FRMD4A: variants seen among roughly 807,000 people sequenced by gnomAD.
The protein encoded by FRMD4A is FERM domain containing 4A.
In FRMD4A, 29 loss-of-function variants were observed where a neutral mutation model predicts 129.1. The ratio of observed to expected loss-of-function variants is 0.22; its 90% CI spans 0.17 to 0.31. The LOEUF is 0.31. Ranked by LOEUF, FRMD4A falls within the 10% of genes least tolerant of loss-of-function variation. The pLI is 1.00. For missense variants in FRMD4A, 1,272 were observed against 1,375.8 expected (o/e 0.92, Z 1.19); for synonymous variants, 634 against 571.6 (o/e 1.11, Z -1.56).
At chr10:13,744,435 A>G (rs1031153412) in intron 9 of FRMD4A, 2 of 152,222 alleles carry the variant, frequency 1.3e-5, no homozygotes, top group African/African-American at 4.8e-5. Context: ...ACCATAACTC[A>G]GCATTATTAT....
chr10:13,852,533 A>AT (rs1158523256), intron 3 of FRMD4A, among the ~76,000 whole-genome samples: 9 of 152,236 alleles, frequency 5.9e-5, no homozygotes, highest in South Asian at 4.2e-4. Context: ...CAAGATTTTA[A>AT]TTTTTTTAGC....
chr10:14,166,732 AC>A (rs1177317329), intron 2 of FRMD4A, among the ~76,000 whole-genome samples: 1 of 152,248 alleles, frequency 6.6e-6, no homozygotes, highest in Non-Finnish European at 1.5e-5. Flanking sequence ...CCTGCCCATT[AC>A]TTGTCCCCAA....
rs541943105 is a variant in FRMD4A at position 13,838,735 on chromosome 10, C to T, written c.111+20112G>A. 4.0e-4 allele frequency among the ~76,000 whole-genome samples: 61 copies of T among 152,192 alleles called. 3 individuals carry two copies. In the South Asian group the frequency reaches 0.011, roughly 28 times the overall value. ...CTCAAACTTCTAACCTCAAGTGATA[C>T]GCCTGCCTCAGCCTCCCAAAGTGCT... is the stretch of plus-strand genomic sequence containing the variant. On this transcript the variant is annotated intron_variant, in intron 3 of 24. Transcript: ENST00000357447.
At chr10:13,950,832 A>G (rs2095365795) in intron 2 of FRMD4A, among the ~76,000 whole-genome samples, 1 of 152,102 alleles carries the variant, frequency 6.6e-6, no homozygotes, top group African/African-American at 2.4e-5. Context: ...CTCCCCGATG[A>G]CCTTATCCTG....
At chr10:14,264,562 GCTAA>G (rs10550977) in intron 2 of FRMD4A, among the ~76,000 whole-genome samples, 53,187 of 151,694 alleles carry the variant, frequency 0.35, 10,369 homozygotes, top group African/African-American at 0.54. Flanking sequence ...TGTATACAGT[GCTAA>G]CTTAGTGTAA....
intron 2 of FRMD4A, among the ~76,000 whole-genome samples, chr10:14,041,894 G>C (rs1422193688): frequency 2.0e-5 from 3 of 152,174 alleles, no homozygotes; most frequent in African/African-American, 7.2e-5. Context: ...AGTCAGAACA[G>C]GGGCTATGTT....
chr10:14,057,216 G>C (rs1312725796), intron 2 of FRMD4A, among the ~76,000 whole-genome samples: 2 of 152,096 alleles, frequency 1.3e-5, no homozygotes, highest in East Asian at 1.9e-4. Context: ...TTTGCCTCTT[G>C]GTTGTGGCAA....
At chr10:13,963,259 G>T (rs551661605) in intron 2 of FRMD4A, among the ~76,000 whole-genome samples, 1 of 134,308 alleles carries the variant, frequency 7.4e-6, no homozygotes, top group Non-Finnish European at 1.5e-5. Context: ...TTCTTCCTTG[G>T]TGCAAGCCTC....
At position 14,112,837 on chromosome 10, in the gene FRMD4A, CT is replaced by C. The variant is rs565585467; in HGVS notation, c.45+217220del. Among the ~76,000 whole-genome samples, 410 of 152,292 alleles carry C rather than the reference CT, an allele frequency of 2.7e-3. 2 individuals are homozygous for C. The highest frequency in any genetic ancestry group is 6.8e-3 in the African/African-American group (281 of 41,574). On this transcript the variant is annotated intron_variant, in intron 2 of 24. Transcript: ENST00000357447. ...CACTGTGCCCGGCCCCCTGATTAAA[CT>C]TTTTTTCTTTCCAAATTCAAAAGGA...
intron 5 of FRMD4A, among the ~76,000 whole-genome samples, chr10:13,789,076 G>T (rs1437174912): frequency 2.0e-5 from 3 of 152,182 alleles, no homozygotes; most frequent in African/African-American, 4.8e-5. Context: ...GCCTACTCTT[G>T]GTGGCAAATA....
chr10:13,887,678 A>C (rs909208002), intron 2 of FRMD4A, among the ~76,000 whole-genome samples: 2 of 152,116 alleles, frequency 1.3e-5, no homozygotes, highest in African/African-American at 2.4e-5. Flanking sequence ...ACAAAACCAA[A>C]ACAAAAAACA....
chr10:14,238,069 TC>T (rs1195555252), intron 2 of FRMD4A, among the ~76,000 whole-genome samples: 3 of 152,134 alleles, frequency 2.0e-5, no homozygotes, highest in African/African-American at 7.2e-5. Flanking sequence ...CAGCCACTGC[TC>T]CCCGCTGGAG....
At chr10:13,733,847 G>C (rs1047267382) in intron 12 of FRMD4A, among the ~76,000 whole-genome samples, 5 of 152,178 alleles carry the variant, frequency 3.3e-5, no homozygotes, top group African/African-American at 4.8e-5. Flanking sequence ...CGTGATCGTC[G>C]TGATTGGGAA....
intron 12 of FRMD4A, among the ~76,000 whole-genome samples, chr10:13,736,947 C>T (rs2090664144): frequency 6.6e-6 from 1 of 152,138 alleles, no homozygotes; most frequent in Non-Finnish European, 1.5e-5. Flanking sequence ...TTCAAACATT[C>T]CATTTTGGGT....
rs187626583 is a variant in FRMD4A at position 13,670,648 on chromosome 10, G to T, written c.1252-120C>A. ...AAATGCACGCATGCACTTCGATACAGGTCAACGCTTATGCTAGAAATGTTC... is the reference window on the plus strand; with the variant it reads ...AAATGCACGCATGCACTTCGATACATGTCAACGCTTATGCTAGAAATGTTC... On this transcript the variant is annotated intron_variant, in intron 16 of 24. Coordinates refer to ENST00000357447, the MANE Select transcript of FRMD4A (RefSeq NM_018027.5). 1.3e-5 allele frequency: 11 copies of T among 867,002 alleles called. No individual in the cohort carries two copies. In the Admixed American group the frequency reaches 1.7e-4, roughly 13 times the overall value. The allele number at this position is 867,002 out of a possible 1,614,324, so 53.7% of individuals were successfully genotyped here.
intron 2 of FRMD4A, among the ~76,000 whole-genome samples, chr10:13,974,134 C>CTAAA: frequency 6.8e-6 from 1 of 147,918 alleles, no homozygotes; most frequent in Admixed American, 7.0e-5. Context: ...AGGGACAGTT[C>CTAAA]TAAAGGCATT....
rs2083140522 is a variant in FRMD4A, at chr10:13,667,366, T to C, written c.1375-1041A>G. ...TCCCACCCCACCCCCCCAGCTCACT[T>C]GATGTCCTTCCCCTCTTTTTACTGT... On this transcript the variant is annotated intron_variant, in intron 17 of 24. Transcript: ENST00000357447. 4 of 98,410 alleles carry C rather than the reference T, an allele frequency of 4.1e-5. No homozygotes were observed. The Admixed American group carries it at 4.5e-4, about 11-fold the overall frequency. The allele number at this position is 98,410 out of a possible 1,614,324, so 6.1% of individuals were successfully genotyped here. A position where few individuals can be genotyped will look rare whatever the true frequency, so the allele number is the denominator to read the frequency against.
Position 13,647,014 on chromosome 10 carries a change from G to C in FRMD4A, c.*24C>G, listed in dbSNP as rs947304151. On this transcript the variant is annotated 3_prime_UTR_variant, in exon 25 of 25. Coordinates refer to ENST00000357447, the MANE Select transcript of FRMD4A (RefSeq NM_018027.5). ...GTTCTGGATAGAGGGAGGAATCCAG[G>C]AAACAGCTATCATTGTAGCTCCTGT... 2.1e-5 allele frequency: 20 copies of C among 975,046 alleles called. No individual in the cohort carries two copies. The highest frequency in any genetic ancestry group is 2.3e-4 in the East Asian group (2 of 8,784). The allele number at this position is 975,046 out of a possible 1,614,324, so 60.4% of individuals were successfully genotyped here.
intron 2 of FRMD4A, among the ~76,000 whole-genome samples, chr10:14,222,859 A>G (rs1843307983): frequency 6.6e-6 from 1 of 152,216 alleles, no homozygotes; most frequent in Admixed American, 6.5e-5. Flanking sequence ...ACCTGAAGGC[A>G]GGCAGATCAC....
Sources: allele counts gnomAD v4.1 joint callset (sites outside exome capture counted in the v4.1 genomes callset), GRCh38; gene constraint gnomAD v4.1.1; transcripts MANE v1.5; gene names NCBI Gene and HGNC (gene_info 2026-07-23, HGNC 2026-07-21).